Variants in HERC2 observed in about 807,000 individuals in gnomAD.
The protein encoded by HERC2 is E3 ubiquitin-protein ligase HERC2.
Under a neutral mutation model 537.7 loss-of-function variants are expected in HERC2, and 102 were observed. The ratio of observed to expected loss-of-function variants is 0.19; its 90% CI spans 0.16 to 0.22. The LOEUF (loss-of-function observed/expected upper bound fraction) is 0.22, where lower values mean the gene tolerates loss of function less well. Among genes scored for constraint, HERC2 ranks in the 10% least tolerant of loss-of-function variants. HERC2 has a pLI of 1.00. For missense variants in HERC2, 4,236 were observed against 6,198.2 expected (o/e 0.68, Z 10.63); for synonymous variants, 2,224 against 2,466.2 (o/e 0.90, Z 2.91).
chr15:28,231,875 C>T (rs1486101607), intron 30 of HERC2, among the ~76,000 whole-genome samples: 1 of 151,228 alleles, frequency 6.6e-6, no homozygotes, highest in Admixed American at 6.6e-5. Context: ...AAACAACACA[C>T]AATAAATCTA....
chr15:28,194,285 T>G (rs1897135806), intron 52 of HERC2, among the ~76,000 whole-genome samples: 1 of 142,612 alleles, frequency 7.0e-6, no homozygotes, highest in Non-Finnish European at 1.5e-5. Flanking sequence ...CAGGATGGTC[T>G]CGATCTCCTG....
chr15:28,259,240 G>A (rs1318457433), intron 16 of HERC2, among the ~76,000 whole-genome samples: 2 of 151,966 alleles, frequency 1.3e-5, no homozygotes, highest in South Asian at 2.1e-4. Flanking sequence ...GATTACAGGC[G>A]CACATCACCA....
At chr15:28,132,518 T>C (rs1283734820) in intron 80 of HERC2, 135 bp downstream of exon 80, 1 of 920,606 alleles carries the variant, frequency 1.1e-6, no homozygotes, top group African/African-American at 1.7e-5. Context: ...GTTTATTCAC[T>C]TCTTGCACCC....
At chr15:28,156,307 T>C (rs1893005487) in intron 69 of HERC2, among the ~76,000 whole-genome samples, 1 of 152,198 alleles carries the variant, frequency 6.6e-6, no homozygotes, top group African/African-American at 2.4e-5. Context: ...AAGAAAGTCA[T>C]TGGTAGCTTG....
chr15:28,149,526 T>C (rs890953688), intron 70 of HERC2, among the ~76,000 whole-genome samples: 1 of 146,162 alleles, frequency 6.8e-6, no homozygotes, highest in Admixed American at 6.8e-5. Context: ...ACGCGGCTCC[T>C]AACCGAGAAC....
intron 65 of HERC2, among the ~76,000 whole-genome samples, chr15:28,173,348 A>G (rs1894877067): frequency 6.6e-6 from 1 of 151,948 alleles, no homozygotes; most frequent in Non-Finnish European, 1.5e-5. Flanking sequence ...TGGATAAACA[A>G]ATTGCATTTG....
chr15:28,270,677 C>A lies in HERC2; in HGVS notation c.1257+18G>T. ...CTAGCTACAAAACACATGGAGAACA[C>A]GGTTCTTGCACACACACCTTATGAG... On this transcript the variant is annotated intron_variant, in intron 10 of 92. Coordinates refer to ENST00000261609, the MANE Select transcript of HERC2 (RefSeq NM_004667.6). The A allele has an allele frequency of 6.2e-7, 1 of 1,608,926 alleles. No individual in the cohort carries two copies. Among genetic ancestry groups the A allele is most frequent in the Non-Finnish European group, 8.5e-7 (1 of 1,176,448 alleles).
At chr15:28,187,172 A>C (rs537470911) in intron 55 of HERC2, among the ~76,000 whole-genome samples, 2 of 152,202 alleles carry the variant, frequency 1.3e-5, no homozygotes, top group Non-Finnish European at 2.9e-5. Flanking sequence ...AATCAGAACA[A>C]ATAGTACAAA....
At chr15:28,243,799 A>G (rs1903377563) in intron 23 of HERC2, among the ~76,000 whole-genome samples, 1 of 152,214 alleles carries the variant, frequency 6.6e-6, no homozygotes, top group African/African-American at 2.4e-5. Context: ...CAGCACAATC[A>G]CCGTGGAAAA....
rs2346097 is a variant in HERC2, at chr15:28,236,296, G to T, written c.4003+667C>A. Among the ~76,000 whole-genome samples the T allele has an allele frequency of 3.4e-3, 512 of 151,346 alleles. 11 individuals are homozygous for T. In the East Asian group the frequency reaches 0.042, roughly 12 times the overall value. ...TATCATCATCAGCTGTGTTGAATCC[G>T]CCTCTCCTTTTGAGACGGAGTCTCG... On this transcript the variant is annotated intron_variant, in intron 26 of 92. Transcript: ENST00000261609.
Position 28,293,101 on chromosome 15 carries a change from GAA to G in HERC2, c.188-81_188-80del, listed in dbSNP as rs920631072. 2.9e-5 allele frequency: 38 copies of G among 1,315,084 alleles called. No homozygotes were observed. The African/African-American group carries it at 5.3e-4, about 18-fold the overall frequency. 81.5% of individuals were successfully genotyped at this position (1,315,084 alleles called of 1,614,324 possible). On this transcript the variant is annotated intron_variant, in intron 3 of 92. Transcript: ENST00000261609. Reference sequence around the variant, plus strand: ...TTAGTCTCTGCAAATGTCCCTCCCCGAAAAGTTACAACACACATCATTAACTG... The same window carrying G: ...TTAGTCTCTGCAAATGTCCCTCCCCGAAGTTACAACACACATCATTAACTG...
chr15:28,224,166 C>CACAGAG (rs748053596), intron 35 of HERC2, among the ~76,000 whole-genome samples: 34 of 147,652 alleles, frequency 2.3e-4, no homozygotes, highest in African/African-American at 8.5e-4. Context: ...CACACACACA[C>CACAGAG]AGAGAGAGAG....
chr15:28,171,641 T>TA lies in HERC2; in HGVS notation c.10058-1987dup, dbSNP rs369283808. The stretch of plus-strand genomic sequence containing the variant: ...ATGACAAGATGAAGCTCACTTTTTT[T>TA]AAAAAAAAAAGCAATTGTACTTATT... On this transcript the variant is annotated intron_variant, in intron 65 of 92. Transcript: ENST00000261609. Among the ~76,000 whole-genome samples, 122 of 147,932 alleles carry TA rather than the reference T, an allele frequency of 8.2e-4. No homozygotes were observed. The East Asian group carries it at 0.011, about 13-fold the overall frequency.
intron 79 of HERC2, among the ~76,000 whole-genome samples, chr15:28,135,256 C>T (rs889867492): frequency 1.2e-4 from 19 of 152,142 alleles, no homozygotes; most frequent in African/African-American, 4.6e-4. Context: ...TCATCAAAAA[C>T]ACAGAATTGA....
At position 28,248,718 on chromosome 15, in the gene HERC2, A is replaced by G; in HGVS notation, c.3069T>C (p.Thr1023=). 6.2e-7 allele frequency: 1 copy of G among 1,613,700 alleles called. No homozygotes were observed. The highest frequency in any genetic ancestry group is 1.3e-5 in the African/African-American group (1 of 75,046). The part of the protein sequence containing the change: ...QQLLRNIASQ[T]VARLKDVARR... ...GGGCAACATCTTTCAATCTGGCTAC[A>G]GTCTGAGAAGCAATGTTTCTATACA... Residue 1023 remains threonine (T), a synonymous_variant, in exon 21 of 93, where the codon ACT becomes ACC. Coordinates refer to ENST00000261609, the MANE Select transcript of HERC2 (RefSeq NM_004667.6).
At chr15:28,182,924 C>T (rs1895962070) in intron 56 of HERC2, among the ~76,000 whole-genome samples, 1 of 152,198 alleles carries the variant, frequency 6.6e-6, no homozygotes. Flanking sequence ...TCTGGCCTTG[C>T]AGCACTATCC....
At chr15:28,121,600 G>A (rs35615080) in intron 85 of HERC2, among the ~76,000 whole-genome samples, 171 bp from the exon 86 acceptor site, 471 of 152,268 alleles carry the variant, frequency 3.1e-3, no homozygotes, top group Non-Finnish European at 5.7e-3. Flanking sequence ...GGCTGGCCCC[G>A]AAGCACACAG....
chr15:28,233,388 G>C, intron 29 of HERC2, 46 bp downstream of exon 29: 1 of 1,248,734 alleles, frequency 8.0e-7, no homozygotes, highest in Non-Finnish European at 1.2e-6. Context: ...AAATATTTCA[G>C]CAACTGTCTG....
At chr15:28,237,218 G>T in intron 25 of HERC2, 105 bp from the exon 26 acceptor site, 4 of 947,914 alleles carry the variant, frequency 4.2e-6, no homozygotes, top group Non-Finnish European at 6.8e-6. Context: ...CGTGAGCCCA[G>T]GGGTGCTCTG....
Sources: gnomAD v4.1 joint callset for allele counts (sites outside exome capture counted in the v4.1 genomes callset) on GRCh38, gnomAD v4.1.1 for gene constraint, MANE v1.5 for transcripts, NCBI Gene and HGNC (gene_info 2026-07-23, HGNC 2026-07-21) for gene names.